Variants in MYO16 observed in about 807,000 individuals in gnomAD.
The protein encoded by MYO16 is unconventional myosin-XVI.
A neutral mutation model predicts 205.3 loss-of-function variants in MYO16; 94 were observed. That is an observed-to-expected ratio of 0.46 (90% CI 0.39 to 0.54). The LOEUF (loss-of-function observed/expected upper bound fraction) is 0.54, where lower values mean the gene tolerates loss of function less well. Ranked by LOEUF, MYO16 falls within the 20% of genes least tolerant of loss-of-function variation. The pLI is 0.00. For missense variants in MYO16, 2,315 were observed against 2,387.5 expected, an observed-to-expected ratio of 0.97 and a Z score of 0.63; for synonymous variants, 988 against 954.0, an observed-to-expected ratio of 1.04 and a Z score of -0.66.
chr13:108,901,718 A>G (rs1238712615), intron 15 of MYO16, among the ~76,000 whole-genome samples: 2 of 152,146 alleles, frequency 1.3e-5, no homozygotes, highest in African/African-American at 2.4e-5. Flanking sequence ...TGTTTGTTTC[A>G]TAGCTTCCTG....
chr13:108,677,335 G>GTATATATATATATATGCA (rs1555337950), intron 2 of MYO16, among the ~76,000 whole-genome samples: 124 of 87,476 alleles, frequency 1.4e-3, no homozygotes, highest in African/African-American at 6.0e-3. Context: ...GTGTGTGTGT[G>GTATATATATATATATGCA]TATATATATA....
chr13:109,158,372 G>A (rs1015228242), intron 32 of MYO16, among the ~76,000 whole-genome samples: 3 of 151,906 alleles, frequency 2.0e-5, no homozygotes, highest in South Asian at 2.1e-4. Flanking sequence ...TCCTCTTCTC[G>A]CCTTCCATCC....
At chr13:108,609,813 A>T (rs9788359) in intron 1 of MYO16, among the ~76,000 whole-genome samples, 1,837 of 152,262 alleles carry the variant, frequency 0.012, 44 homozygotes, top group South Asian at 0.086. Context: ...GACTGTAGAT[A>T]GACATTCTAA....
chr13:109,115,119 T>TA (rs1290899112), intron 28 of MYO16, among the ~76,000 whole-genome samples: 13 of 150,072 alleles, frequency 8.7e-5, no homozygotes, highest in Admixed American at 2.7e-4. Flanking sequence ...AATTGTCTTT[T>TA]AAAAAAAAAG....
intron 2 of MYO16, among the ~76,000 whole-genome samples, chr13:108,698,649 A>G (rs1883180972): frequency 6.6e-6 from 1 of 152,180 alleles, no homozygotes; most frequent in African/African-American, 2.4e-5. Flanking sequence ...GGACTAAAAG[A>G]CATGTTTGAA....
At chr13:108,499,558 A>G in the MYO16 span, among the ~76,000 whole-genome samples, 1 of 152,144 alleles carries the variant, frequency 6.6e-6, no homozygotes, top group African/African-American at 2.4e-5. Context: ...TCCCACTTAT[A>G]TAGGAATCTG....
At chr13:108,593,819 C>T (rs1304162310), upstream of MYO16, among the ~76,000 whole-genome samples, 1 of 152,156 alleles carries the variant, frequency 6.6e-6, no homozygotes, top group East Asian at 1.9e-4. Context: ...CTCCCAAGCC[C>T]TGTTAGCATG....
chr13:108,912,759 A>G (rs958320623), intron 16 of MYO16, among the ~76,000 whole-genome samples: 10 of 151,966 alleles, frequency 6.6e-5, no homozygotes, highest in African/African-American at 2.4e-4. Flanking sequence ...CTCTGCTCCC[A>G]ATCCTTCTAA....
At chr13:109,050,757 A>C (rs1887221830) in intron 24 of MYO16, among the ~76,000 whole-genome samples, 1 of 152,168 alleles carries the variant, frequency 6.6e-6, no homozygotes, top group Non-Finnish European at 1.5e-5. Context: ...TTATTCAATG[A>C]ATAATGATTA....
chr13:109,187,912 T>C (rs1879752245), intron 34 of MYO16, among the ~76,000 whole-genome samples: 1 of 152,204 alleles, frequency 6.6e-6, no homozygotes, highest in Admixed American at 6.5e-5. Context: ...TGGCTTTCTG[T>C]GTTCATTTTT....
chr13:108,573,223 A>T, the MYO16 span, among the ~76,000 whole-genome samples: 1 of 152,128 alleles, frequency 6.6e-6, no homozygotes, highest in Admixed American at 6.5e-5. Context: ...AGTGGGAGGG[A>T]TGGTTGTTTG....
intron 32 of MYO16, among the ~76,000 whole-genome samples, chr13:109,161,611 G>A (rs941728651): frequency 6.6e-6 from 1 of 152,196 alleles, no homozygotes; most frequent in Non-Finnish European, 1.5e-5. Flanking sequence ...GAAGTATCAT[G>A]CTGACCATTA....
intron 23 of MYO16, among the ~76,000 whole-genome samples, chr13:109,030,776 C>T (rs563131252): frequency 1.9e-4 from 29 of 152,204 alleles, no homozygotes; most frequent in African/African-American, 6.0e-4. Flanking sequence ...GTCAACTAAA[C>T]TCCCTACCCA....
chr13:108,909,928 A>T, intron 15 of MYO16, 75 bp from the exon 16 acceptor site: 1 of 1,422,182 alleles, frequency 7.0e-7, no homozygotes, highest in Non-Finnish European at 9.7e-7. Context: ...TCTTGTAATT[A>T]ATTAATATGT....
the MYO16 span, among the ~76,000 whole-genome samples, chr13:108,585,728 G>C: frequency 1.3e-3 from 191 of 152,202 alleles, no homozygotes; most frequent in African/African-American, 4.4e-3. Context: ...TGAAAAGTAA[G>C]TCACAATATA....
the MYO16 span, among the ~76,000 whole-genome samples, chr13:108,567,335 A>G: frequency 3.9e-5 from 6 of 152,324 alleles, no homozygotes; most frequent in Non-Finnish European, 8.8e-5. Context: ...AGCTTGGAGC[A>G]CAGACCCTTG....
At chr13:108,683,810 T>A (rs570121374) in intron 2 of MYO16, among the ~76,000 whole-genome samples, 4 of 152,362 alleles carry the variant, frequency 2.6e-5, no homozygotes, top group Admixed American at 2.6e-4. Flanking sequence ...ACTTCTTTTT[T>A]GAGTGGGACA....
chr13:108,765,876 G>A (rs1479012871), intron 4 of MYO16, among the ~76,000 whole-genome samples: 5 of 151,984 alleles, frequency 3.3e-5, no homozygotes, highest in Admixed American at 6.6e-5. Flanking sequence ...ACTGACCTCC[G>A]GCAGTTTACA....
At chr13:108,891,977 T>C (rs531681798) in intron 14 of MYO16, among the ~76,000 whole-genome samples, 1 of 152,304 alleles carries the variant, frequency 6.6e-6, no homozygotes, top group East Asian at 1.9e-4. Context: ...TGATTCCTTA[T>C]TTAGAAATGA....
Sources: gnomAD v4.1 joint callset for allele counts (sites outside exome capture counted in the v4.1 genomes callset) on GRCh38, gnomAD v4.1.1 for gene constraint, MANE v1.5 for transcripts, NCBI Gene and HGNC (gene_info 2026-07-23, HGNC 2026-07-21) for gene names.